OR7C1: variants seen among roughly 807,000 people sequenced by gnomAD.
OR7C1 encodes the protein olfactory receptor 7C1.
For missense variants in OR7C1, 324 were observed against 383.3 expected (o/e 0.85, Z 1.29); for synonymous variants, 152 against 160.7 (o/e 0.95, Z 0.41).
chr19:14,829,041 T>C (rs1222061600), intron 1 of OR7C1, among the ~76,000 whole-genome samples: 1 of 152,178 alleles, frequency 6.6e-6, no homozygotes, highest in East Asian at 1.9e-4. Flanking sequence ...GTGTTTCTTT[T>C]GTTTTTTGTT....
intron 1 of OR7C1, among the ~76,000 whole-genome samples, chr19:14,813,716 A>AGGG (rs59966243): frequency 1.4e-4 from 22 of 151,946 alleles, no homozygotes; most frequent in Admixed American, 2.6e-4. Context: ...GAGAGAGAGA[A>AGGG]GGGGGGCGTG....
chr19:14,822,618 G>A (rs1396894025), intron 1 of OR7C1, among the ~76,000 whole-genome samples: 1 of 151,740 alleles, frequency 6.6e-6, no homozygotes, highest in Admixed American at 6.6e-5. Context: ...TCTTGACCTC[G>A]TGATCCACCC....
chr19:14,831,695 G>A (rs1412867608), intron 1 of OR7C1, among the ~76,000 whole-genome samples: 3 of 151,992 alleles, frequency 2.0e-5, no homozygotes, highest in Non-Finnish European at 4.4e-5. Context: ...CGCCTGCCTC[G>A]GCCTCCCAAA....
At chr19:14,828,337 T>A in intron 1 of OR7C1, 1 of 1,316,566 alleles carries the variant, frequency 7.6e-7, no homozygotes, top group South Asian at 1.5e-5. Context: ...TTATATTTTA[T>A]AGCCAATAAA....
chr19:14,807,924 G>A (rs1425466026), intron 2 of OR7C1, among the ~76,000 whole-genome samples: 1 of 151,204 alleles, frequency 6.6e-6, no homozygotes, highest in Non-Finnish European at 1.5e-5. Flanking sequence ...ACAGTCTTTA[G>A]AAGCAGTCAA....
At chr19:14,831,664 C>T (rs181104068) in intron 1 of OR7C1, among the ~76,000 whole-genome samples, 2,638 of 152,040 alleles carry the variant, frequency 0.017, 69 homozygotes, top group African/African-American at 0.06. Context: ...AGGATGGTCT[C>T]GATCTCCTGA....
chr19:14,822,056 T>C (rs1403648184), intron 1 of OR7C1, among the ~76,000 whole-genome samples: 1 of 152,198 alleles, frequency 6.6e-6, no homozygotes, highest in Non-Finnish European at 1.5e-5. Flanking sequence ...AAAGGCTGAG[T>C]GGTGTTCTAT....
At chr19:14,816,504 C>G (rs1057341826) in intron 1 of OR7C1, among the ~76,000 whole-genome samples, 4 of 152,160 alleles carry the variant, frequency 2.6e-5, no homozygotes, top group African/African-American at 9.7e-5. Flanking sequence ...GCTTCCTGCC[C>G]TCGAACATCA....
intron 1 of OR7C1, among the ~76,000 whole-genome samples, chr19:14,830,858 A>G (rs2044824990): frequency 6.6e-6 from 1 of 152,114 alleles, no homozygotes; most frequent in Non-Finnish European, 1.5e-5. Context: ...ATGACTCACA[A>G]TCTTCCTGCA....
intron 1 of OR7C1, among the ~76,000 whole-genome samples, chr19:14,829,440 T>A (rs981964610): frequency 1.3e-5 from 2 of 152,302 alleles, no homozygotes; most frequent in Non-Finnish European, 1.5e-5. Flanking sequence ...CAACCTCAGG[T>A]GATCCGCTCA....
intron 1 of OR7C1, among the ~76,000 whole-genome samples, chr19:14,811,827 T>C (rs1014189694): frequency 5.9e-5 from 9 of 151,954 alleles, no homozygotes; most frequent in African/African-American, 2.2e-4. Flanking sequence ...CACCATACTC[T>C]AATCTTTTAT....
chr19:14,831,427 CTTTAT>C (rs1190660105), intron 1 of OR7C1, among the ~76,000 whole-genome samples: 4 of 151,706 alleles, frequency 2.6e-5, no homozygotes, highest in Non-Finnish European at 4.4e-5. Context: ...CCTGTGTGGC[CTTTAT>C]TTTATTTTAT....
intron 1 of OR7C1, among the ~76,000 whole-genome samples, chr19:14,811,752 A>G (rs1203023055): frequency 1.6e-4 from 25 of 152,004 alleles, no homozygotes; most frequent in Non-Finnish European, 1.5e-5. Context: ...AAATTTAAAG[A>G]AAAGTTAAAT....
chr19:14,833,854 T>C (rs2044858060), intron 1 of OR7C1, among the ~76,000 whole-genome samples: 2 of 152,190 alleles, frequency 1.3e-5, no homozygotes, highest in South Asian at 2.1e-4. Context: ...TCAGCTGTCA[T>C]AGATTTGTGT....
chr19:14,828,528 AAGC>A (rs2065559640), intron 1 of OR7C1, among the ~76,000 whole-genome samples: 1 of 152,096 alleles, frequency 6.6e-6, no homozygotes, highest in African/African-American at 2.4e-5. Flanking sequence ...TGGGAGGTCA[AAGC>A]AGGCGGATCA....
At chr19:14,830,010 G>A (rs937504473) in intron 1 of OR7C1, among the ~76,000 whole-genome samples, 1 of 152,162 alleles carries the variant, frequency 6.6e-6, no homozygotes, top group African/African-American at 2.4e-5. Flanking sequence ...CCACAGCCAT[G>A]TGCCGCCACC....
At chr19:14,804,026 C>T (rs112025368) in intron 2 of OR7C1, among the ~76,000 whole-genome samples, 13 of 152,180 alleles carry the variant, frequency 8.5e-5, no homozygotes, top group African/African-American at 3.1e-4. Context: ...TTCTTTTTAA[C>T]TCCTATATCA....
At position 14,806,782 on chromosome 19, in the gene OR7C1, C is replaced by G. The variant is rs963143986; in HGVS notation, c.-435+3024G>C. On this transcript the variant is annotated intron_variant, in intron 2 of 4. Coordinates refer to ENST00000641666, the Ensembl canonical transcript of OR7C1. ...ACAAAATTTTGTTTATCCAGTCTAT[C>G]ATCGATGGGCATTTGGGTTGATTCC... 3.3e-5 allele frequency among the ~76,000 whole-genome samples: 5 copies of G among 152,048 alleles called. No homozygotes were observed. The East Asian group carries it at 9.6e-4, about 29-fold the overall frequency.
chr19:14,800,128 T>G (rs775724333), exon 5 of OR7C1: 1 of 1,573,496 alleles, frequency 6.4e-7, no homozygotes, highest in Non-Finnish European at 8.6e-7. Flanking sequence ...TTTGATTTCC[T>G]GTTTCCATGG....
Sources: allele counts gnomAD v4.1 joint callset (sites outside exome capture counted in the v4.1 genomes callset), GRCh38; gene constraint gnomAD v4.1.1; transcripts MANE v1.5; gene names NCBI Gene and HGNC (gene_info 2026-07-23, HGNC 2026-07-21).